The following PCBP4 variants were observed in gnomAD, a reference collection of about 807,000 sequenced individuals.
PCBP4 encodes poly(rC)-binding protein 4.
PCBP4 carries 24 observed loss-of-function variants against 46.2 expected under a neutral mutation model. The observed-to-expected ratio is 0.52, with a 90% confidence interval of 0.38 to 0.73. The LOEUF is 0.73. Among genes scored for constraint, PCBP4 ranks in the 30% least tolerant of loss-of-function variants. The pLI, the probability that PCBP4 is intolerant of heterozygous loss-of-function variation, is 0.00. For missense variants in PCBP4, 407 were observed against 537.0 expected (o/e 0.76, Z 2.39); for synonymous variants, 203 against 224.4 (o/e 0.90, Z 0.85).
chr3:51,958,454 T>C lies in PCBP4; in HGVS notation c.924-105A>G, dbSNP rs939078837. On this transcript the variant is annotated intron_variant, in intron 13 of 13. Coordinates refer to ENST00000461554, the MANE Select transcript of PCBP4 (RefSeq NM_001174100.2). The surrounding 1 kb of genome is among the most constrained non-coding windows in gnomAD (Gnocchi z 5.4). ...GATTAGATGAAAGGCAAGAGAGAGG[T>C]AGTGAACAGAGAACAATAAGGGGAA... The C allele has an allele frequency of 6.5e-6, 5 of 764,306 alleles. No homozygotes were observed. In the East Asian group the frequency reaches 1.4e-4, roughly 22 times the overall value. The allele number at this position is 764,306 out of a possible 1,614,324, so 47.3% of individuals were successfully genotyped here. A position where few individuals can be genotyped will look rare whatever the true frequency, so the allele number is the denominator to read the frequency against.
chr3:51,964,960 G>A (rs1028593878), intron 1 of PCBP4, among the ~76,000 whole-genome samples: 7 of 152,182 alleles, frequency 4.6e-5, no homozygotes, highest in African/African-American at 1.7e-4. Flanking sequence ...AGGCAGCTCT[G>A]ACAAGTTGGC....
At chr3:51,966,884 GA>G (rs1348059173) in intron 1 of PCBP4, among the ~76,000 whole-genome samples, 1 of 151,768 alleles carries the variant, frequency 6.6e-6, no homozygotes, top group Non-Finnish European at 1.5e-5. Context: ...GGACCACTCT[GA>G]GCCCCCAGCT....
Position 51,958,349 on chromosome 3 carries a change from A to G in PCBP4, c.924T>C (p.Cys308=), listed in dbSNP as rs201708744. 31 of 1,494,238 alleles carry G rather than the reference A, an allele frequency of 2.1e-5. No homozygotes were observed. The African/African-American group carries it at 3.5e-4, about 17-fold the overall frequency. The allele number at this position is 1,494,238 out of a possible 1,614,324, so 92.6% of individuals were successfully genotyped here. A position where few individuals can be genotyped will look rare whatever the true frequency, so the allele number is the denominator to read the frequency against. ...CAGAGGTAGACTTGGCCGTCTCTAGACTGGAGAGAGGGATATAGAGGGGAG... is the reference window on the plus strand; with the variant it reads ...CAGAGGTAGACTTGGCCGTCTCTAGGCTGGAGAGAGGGATATAGAGGGGAG... ...IALAQYLITA[C]LETAKSTSGG... Residue 308 remains cysteine (C), a splice_region_variant and synonymous_variant, in exon 14 of 14, where the codon TGT becomes TGC. Transcript: ENST00000461554. This position sits in a 1 kb window ranked among gnomAD's most constrained non-coding sequence, Gnocchi z 5.4.
chr3:51,961,560 G>T, intron 2 of PCBP4: 2 of 459,034 alleles, frequency 4.4e-6, no homozygotes, highest in Non-Finnish European at 7.4e-6. Context: ...TCTCCAAAGA[G>T]TGATGAGAAT....
chr3:51,958,060 C>T lies in PCBP4; in HGVS notation c.*1G>A. Reference sequence around the variant, plus strand: ...TGCCCCTGCCTGTACCTCAGCTGGCCTCAGTAGGGGGAGAATTTCTGCCGC... The same window carrying T: ...TGCCCCTGCCTGTACCTCAGCTGGCTTCAGTAGGGGGAGAATTTCTGCCGC... On this transcript the variant is annotated 3_prime_UTR_variant, in exon 14 of 14. Transcript: ENST00000461554. The surrounding 1 kb of genome is among the most constrained non-coding windows in gnomAD (Gnocchi z 5.4). 1.3e-6 allele frequency: 2 copies of T among 1,541,350 alleles called. No homozygotes were observed. Among genetic ancestry groups the T allele is most frequent in the Non-Finnish European group, 1.7e-6 (2 of 1,145,384 alleles).
chr3:51,965,411 T>C (rs1401470890), intron 1 of PCBP4, among the ~76,000 whole-genome samples: 5 of 152,194 alleles, frequency 3.3e-5, no homozygotes, highest in African/African-American at 1.2e-4. Flanking sequence ...TCTGTCAAAA[T>C]CCTTCTCAAA....
chr3:51,958,753 T>C lies in PCBP4; in HGVS notation c.923+37A>G. The C allele has an allele frequency of 6.3e-7, 1 of 1,592,520 alleles. No individual in the cohort carries two copies. Among genetic ancestry groups the C allele is most frequent in the Non-Finnish European group, 8.6e-7 (1 of 1,168,424 alleles). On this transcript the variant is annotated intron_variant, in intron 13 of 13. Transcript: ENST00000461554. This position sits in a 1 kb window ranked among gnomAD's most constrained non-coding sequence, Gnocchi z 5.4. ...GCCTTTCTTGGGCACATGAGAACCG[T>C]GACCTGCTCCCCCACTGCCGCCCAG...
rs1233277963 is a variant in PCBP4 at position 51,959,486 on chromosome 3, C to G, written c.592-75G>C. 4.6e-6 allele frequency: 7 copies of G among 1,528,840 alleles called. No homozygotes were observed. Among genetic ancestry groups the G allele is most frequent in the Non-Finnish European group, 6.2e-6 (7 of 1,128,570 alleles). 94.7% of individuals were successfully genotyped at this position (1,528,840 alleles called of 1,614,324 possible). A position where few individuals can be genotyped will look rare whatever the true frequency, so the allele number is the denominator to read the frequency against. ...AGCCAGAGTCACTCCTTCCCCCGTC[C>G]CTGGACCTCCAATTCCTTCTTCCAT... On this transcript the variant is annotated intron_variant, in intron 9 of 13. Transcript: ENST00000461554. The surrounding 1 kb of genome is among the most constrained non-coding windows in gnomAD (Gnocchi z 5.6).
Position 51,959,041 on chromosome 3 carries a change from G to A in PCBP4, c.753+6C>T. The A allele has an allele frequency of 1.2e-6, 2 of 1,613,720 alleles. No homozygotes were observed. On this transcript the variant is annotated splice_donor_region_variant and intron_variant, in intron 12 of 13. Transcript: ENST00000461554. This position sits in a 1 kb window ranked among gnomAD's most constrained non-coding sequence, Gnocchi z 5.6. ...CCACCCTCCAGCCATCCCATCCCCT[G>A]CTCACATCGTTGGGAACCAAGAACT... is the stretch of plus-strand genomic sequence containing the variant.
intron 1 of PCBP4, among the ~76,000 whole-genome samples, chr3:51,962,309 A>G (rs538969481): frequency 5.9e-5 from 9 of 152,246 alleles, no homozygotes; most frequent in African/African-American, 2.2e-4. Flanking sequence ...GTGGAGCCTG[A>G]GATTAGCTGC....
In PCBP4 at chr3:51,959,909, C is replaced by T. The variant is rs746354848; in HGVS notation, c.502G>A (p.Ala168Thr). Residue 168 changes from alanine (A) to threonine (T), a missense_variant, in exon 8 of 14, where the codon GCT becomes ACT. By Grantham distance (58) the Ala-to-Thr change is moderately conservative (BLOSUM62 0). Transcript: ENST00000461554. The surrounding 1 kb of genome is among the most constrained non-coding windows in gnomAD (Gnocchi z 5.6). ...AIILCVRQICAVILESPPKGA... is the reference protein window; with the variant it reads ...AIILCVRQICTVILESPPKGA... ...CAGGGCAGCACCTCCAGGATAACAG[C>T]GCAGATCTGGCGCACACACAGGATG... is the stretch of plus-strand genomic sequence containing the variant. 1.2e-5 allele frequency: 19 copies of T among 1,594,808 alleles called. No individual in the cohort carries two copies. Among genetic ancestry groups the T allele is most frequent in the South Asian group, 5.7e-5 (5 of 87,730 alleles).
chr3:51,960,363 A>G lies in PCBP4; in HGVS notation c.256-43T>C, dbSNP rs553963066. ...TGGGTTGGCCATGCTCGTCCCTGCT[A>G]TATCTGCCCAGGGGTCAGGAGGGTA... On this transcript the variant is annotated intron_variant, in intron 6 of 13. Transcript: ENST00000461554. This position sits in a 1 kb window ranked among gnomAD's most constrained non-coding sequence, Gnocchi z 5.0. The G allele has an allele frequency of 1.5e-5, 24 of 1,602,162 alleles. No individual in the cohort carries two copies. Among genetic ancestry groups the G allele is most frequent in the Non-Finnish European group, 2.0e-5 (23 of 1,173,592 alleles).
At position 51,959,684 on chromosome 3, in the gene PCBP4, C is replaced by A; in HGVS notation, c.517-33G>T. ...GCATAAACAGGGCTCTGTCAGGACC[C>A]TCTCAGGCTCCGATAACCTCCCCAG... is the stretch of plus-strand genomic sequence containing the variant. On this transcript the variant is annotated intron_variant, in intron 8 of 13. Coordinates refer to ENST00000461554, the MANE Select transcript of PCBP4 (RefSeq NM_001174100.2). The surrounding 1 kb of genome is among the most constrained non-coding windows in gnomAD (Gnocchi z 5.6). The A allele has an allele frequency of 6.5e-7, 1 of 1,540,512 alleles. No individual in the cohort carries two copies. The highest frequency in any genetic ancestry group is 2.4e-5 in the East Asian group (1 of 40,874).
chr3:51,958,919 C>G lies in PCBP4; in HGVS notation c.794G>C (p.Ser265Thr), dbSNP rs755321393. Reference sequence around the variant, plus strand: ...TGCCCCTGACATCTGCCGGATCTCGCTGATCTTGCTGCCCTGGCGCCCGAT... The same window carrying G: ...TGCCCCTGACATCTGCCGGATCTCGGTGATCTTGCTGCCCTGGCGCCCGAT... ...CVIGRQGSKI[S>T]EIRQMSGAHI... The change falls in exon 13 of 14, where the codon AGC (serine) becomes ACC (threonine). Residue 265 changes from serine (S) to threonine (T), a missense_variant. By Grantham distance (58) the Ser-to-Thr change is moderately conservative. Coordinates refer to ENST00000461554, the MANE Select transcript of PCBP4 (RefSeq NM_001174100.2). This position sits in a 1 kb window ranked among gnomAD's most constrained non-coding sequence, Gnocchi z 5.4. 4 of 1,613,976 alleles carry G rather than the reference C, an allele frequency of 2.5e-6. 1 individual carries two copies. In the Admixed American group the frequency reaches 6.7e-5, roughly 27 times the overall value.
Position 51,960,548 on chromosome 3 carries a change from A to T in PCBP4, c.233T>A (p.Met78Lys). 6.2e-7 allele frequency: 1 copy of T among 1,613,312 alleles called. No homozygotes were observed. The highest frequency in any genetic ancestry group is 8.5e-7 in the Non-Finnish European group (1 of 1,179,216). ...STAAVFHAVS[M>K]IAFKLDEDLC... is the part of the protein sequence containing the mutation. ...GACCTCATCCAGTTTGAAAGCAATC[A>T]TGGAGACTGCATGGAAGACAGCTGC... is the stretch of plus-strand genomic sequence containing the variant. The change falls in exon 6 of 14, where the codon ATG (methionine) becomes AAG (lysine). Residue 78 changes from methionine to lysine, a missense_variant. Transcript: ENST00000461554. This position sits in a 1 kb window ranked among gnomAD's most constrained non-coding sequence, Gnocchi z 5.0.
chr3:51,960,712 G>T lies in PCBP4; in HGVS notation c.139-70C>A. ...CTCCCTTGCCGGAACTTGTCTGCCTGCCCCACTCACCAGGCCTGAGGCAAG... is the reference window on the plus strand; with the variant it reads ...CTCCCTTGCCGGAACTTGTCTGCCTTCCCCACTCACCAGGCCTGAGGCAAG... On this transcript the variant is annotated intron_variant, in intron 5 of 13. Transcript: ENST00000461554. This position sits in a 1 kb window ranked among gnomAD's most constrained non-coding sequence, Gnocchi z 5.0. The T allele has an allele frequency of 6.8e-7, 1 of 1,478,486 alleles. No individual in the cohort carries two copies. 91.6% of individuals were successfully genotyped at this position (1,478,486 alleles called of 1,614,324 possible). A position where few individuals can be genotyped will look rare whatever the true frequency, so the allele number is the denominator to read the frequency against.
At position 51,958,168 on chromosome 3, in the gene PCBP4, G is replaced by A. The variant is rs765780036; in HGVS notation, c.1105C>T (p.Pro369Ser). The stretch of plus-strand genomic sequence containing the variant: ...GGCGGCGGCCCTGGGGAAGCAGGTG[G>A]TAAAGCCAAGAAGGGCATGGGCTTG... ...GLKPMPFLAL[P>S]PASPGPPPGL... Residue 369 changes from proline to serine, a missense_variant, in exon 14 of 14, where the codon CCA (proline) becomes TCA (serine). Pro to Ser is a moderately conservative substitution (Grantham distance 74). Transcript: ENST00000461554. The surrounding 1 kb of genome is among the most constrained non-coding windows in gnomAD (Gnocchi z 5.4). 11 of 1,613,310 alleles carry A rather than the reference G, an allele frequency of 6.8e-6. No individual in the cohort carries two copies. The African/African-American group carries it at 1.1e-4, about 16-fold the overall frequency.
At chr3:51,963,687 T>A (rs1020289620) in intron 1 of PCBP4, among the ~76,000 whole-genome samples, 1 of 152,132 alleles carries the variant, frequency 6.6e-6, no homozygotes, top group African/African-American at 2.4e-5. Context: ...CCAAGTCCAG[T>A]GGGTAACTTT....
rs1278075369 is a variant in PCBP4 at position 51,959,911 on chromosome 3, C to T, written c.500G>A (p.Cys167Tyr). 1 of 1,596,468 alleles carries T rather than the reference C, an allele frequency of 6.3e-7. No homozygotes were observed. Among genetic ancestry groups the T allele is most frequent in the East Asian group, 2.2e-5 (1 of 44,718 alleles). ...DAIILCVRQI[C>Y]AVILESPPKG... ...GGGCAGCACCTCCAGGATAACAGCGCAGATCTGGCGCACACACAGGATGAT... is the reference window on the plus strand; with the variant it reads ...GGGCAGCACCTCCAGGATAACAGCGTAGATCTGGCGCACACACAGGATGAT... Residue 167 changes from cysteine (C) to tyrosine (Y), a missense_variant, in exon 8 of 14, where the codon TGC becomes TAC. By Grantham distance (194) the Cys-to-Tyr change is radical. Coordinates refer to ENST00000461554, the MANE Select transcript of PCBP4 (RefSeq NM_001174100.2). The surrounding 1 kb of genome is among the most constrained non-coding windows in gnomAD (Gnocchi z 5.6).
Sources: gnomAD v4.1 joint callset for allele counts (sites outside exome capture counted in the v4.1 genomes callset) on GRCh38, gnomAD v4.1.1 for gene constraint, Gnocchi (gnomAD v3.1) non-coding constraint, MANE v1.5 for transcripts, NCBI Gene and HGNC (gene_info 2026-07-23, HGNC 2026-07-21) for gene names.